Variants in ATP1A4 observed in about 807,000 individuals in gnomAD.
The protein encoded by ATP1A4 is ATPase Na+/K+ transporting subunit alpha 4, also known as sodium/potassium-transporting ATPase subunit alpha-4.
In ATP1A4, 90 loss-of-function variants were observed where a neutral mutation model predicts 114.3. The observed-to-expected ratio is 0.79, with a 90% CI of 0.66 to 0.94. The LOEUF is 0.94. Ranked by LOEUF, ATP1A4 falls within the 40% of genes least tolerant of loss-of-function variation. ATP1A4 has a pLI of 0.00. For synonymous variants in ATP1A4, 511 were observed against 494.1 expected (o/e 1.03, Z -0.45); for missense variants, 1,222 against 1,313.6 (o/e 0.93, Z 1.08).
intron 18 of ATP1A4, among the ~76,000 whole-genome samples, chr1:160,180,052 A>G (rs1268028755): frequency 1.3e-5 from 2 of 152,216 alleles, no homozygotes; most frequent in Admixed American, 6.5e-5. Flanking sequence ...GAACTGTGAG[A>G]CCACGGCATT....
chr1:160,178,597 C>A (rs1008534913), intron 18 of ATP1A4, among the ~76,000 whole-genome samples: 6 of 152,086 alleles, frequency 3.9e-5, no homozygotes, highest in African/African-American at 1.4e-4. Context: ...ATCACTTGAT[C>A]CCAGGAGGCG....
intron 3 of ATP1A4, 106 bp downstream of exon 3, chr1:160,155,354 A>C (rs958723687): frequency 3.2e-6 from 2 of 626,136 alleles, no homozygotes; most frequent in African/African-American, 1.8e-5. Context: ...CAAATCCCTA[A>C]TTACATTATT....
In ATP1A4 at chr1:160,174,244, G is replaced by A. The variant is rs778010517; in HGVS notation, c.2125G>A (p.Glu709Lys). The stretch of plus-strand genomic sequence containing the variant: ...CCCTCAGCAGAAGCTCATCATTGTC[G>A]AGGGATGTCAGAGGCTGGTAAGGAA... ...TSPQQKLIIVEGCQRLGAVVA... is the reference protein window; with the variant it reads ...TSPQQKLIIVKGCQRLGAVVA... The change falls in exon 14 of 22, where the codon GAG (glutamate) becomes AAG (lysine). Residue 709 changes from glutamate (E) to lysine (K), a missense_variant. By Grantham distance (56) the Glu-to-Lys change is moderately conservative. Transcript: ENST00000368081. 30 of 1,614,080 alleles carry A rather than the reference G, an allele frequency of 1.9e-5. No individual in the cohort carries two copies. Among genetic ancestry groups the A allele is most frequent in the Admixed American group, 1.8e-4 (11 of 60,008 alleles).
At chr1:160,172,192 C>T (rs906598861) in intron 12 of ATP1A4, among the ~76,000 whole-genome samples, 2 of 152,162 alleles carry the variant, frequency 1.3e-5, no homozygotes, top group African/African-American at 2.4e-5. Context: ...ACCTGAGAGA[C>T]TGCATTTTTA....
At position 160,181,765 on chromosome 1, in the gene ATP1A4, CTCA is replaced by C; in HGVS notation, c.2824_2826del (p.Ile942del). 1 of 1,613,952 alleles carries C rather than the reference CTCA, an allele frequency of 6.2e-7. No homozygotes were observed. Among genetic ancestry groups the C allele is most frequent in the Non-Finnish European group, 8.5e-7 (1 of 1,179,992 alleles). On this transcript the variant is annotated inframe_deletion, in exon 19 of 22. Coordinates refer to ENST00000368081, the MANE Select transcript of ATP1A4 (RefSeq NM_144699.4). ...CATCGTGGTTGTGCAGTGGGCGGAT[CTCA>C]TCATCTCCAAGACTCGCCGCAACTC...
chr1:160,166,825 T>C, intron 8 of ATP1A4, 99 bp downstream of exon 8: 1 of 1,548,790 alleles, frequency 6.5e-7, no homozygotes, highest in Non-Finnish European at 8.8e-7. Context: ...GGAGGGAGCC[T>C]GAAAGTGGAG....
intron 10 of ATP1A4, among the ~76,000 whole-genome samples, chr1:160,168,735 G>A (rs915299837): frequency 6.6e-6 from 1 of 152,124 alleles, no homozygotes; most frequent in African/African-American, 2.4e-5. Context: ...ACTGAAAACT[G>A]AGCAAGTAAG....
In ATP1A4 at chr1:160,186,363, G is replaced by T; in HGVS notation, c.3057G>T (p.Pro1019=). Residue 1019 remains proline (P), a synonymous_variant, in exon 21 of 22, where the codon CCG becomes CCT. Coordinates refer to ENST00000368081, the MANE Select transcript of ATP1A4 (RefSeq NM_144699.4). ...GAAAACTCCTCATCCGTCAGCACCC[G>T]GATGGTGAGGCTCCCCTGGGCCCCG... The part of the protein sequence containing the change: ...EIRKLLIRQH[P]DGWVERETYY 6.2e-7 allele frequency: 1 copy of T among 1,611,654 alleles called. No individual in the cohort carries two copies. Among genetic ancestry groups the T allele is most frequent in the South Asian group, 1.1e-5 (1 of 90,942 alleles).
chr1:160,158,093 G>A (rs920485101), intron 4 of ATP1A4, among the ~76,000 whole-genome samples: 6 of 151,796 alleles, frequency 4.0e-5, no homozygotes, highest in African/African-American at 1.2e-4. Flanking sequence ...GTTTAGGCAT[G>A]GTCGGTTAGC....
chr1:160,184,722 C>T (rs1231039678), intron 20 of ATP1A4, among the ~76,000 whole-genome samples: 1 of 152,096 alleles, frequency 6.6e-6, no homozygotes, highest in Non-Finnish European at 1.5e-5. Context: ...TTAAATTTTA[C>T]ATGTGGCTCA....
At chr1:160,186,077 ACT>A (rs1653877267) in intron 20 of ATP1A4, among the ~76,000 whole-genome samples, 197 bp from the exon 21 acceptor site, 1 of 138,514 alleles carries the variant, frequency 7.2e-6, no homozygotes, top group Admixed American at 7.3e-5. Flanking sequence ...ACAGAACAAG[ACT>A]CTGTCGCAAA....
Position 160,181,935 on chromosome 1 carries a change from A to G in ATP1A4, c.2873A>G (p.Lys958Arg), listed in dbSNP as rs900928647. 3 of 1,613,868 alleles carry G rather than the reference A, an allele frequency of 1.9e-6. No individual in the cohort carries two copies. Among genetic ancestry groups the G allele is most frequent in the African/African-American group, 2.7e-5 (2 of 74,872 alleles). ...CCATGAATGTTTCTTCCCAGAAACA[A>G]AGTCTTAATATTTGGGATCCTGGAG... ...NSLFQQGMRN[K>R]VLIFGILEET... The change falls in exon 20 of 22, where the codon AAA becomes AGA. Residue 958 changes from lysine to arginine, a missense_variant. Transcript: ENST00000368081.
At chr1:160,181,650 C>T in intron 18 of ATP1A4, 34 bp from the exon 19 acceptor site, 1 of 1,612,300 alleles carries the variant, frequency 6.2e-7, no homozygotes, top group South Asian at 1.1e-5. Context: ...GAATCCCCTT[C>T]TGACACTGTT....
chr1:160,163,595 G>A (rs1652932362), intron 6 of ATP1A4, among the ~76,000 whole-genome samples: 1 of 152,206 alleles, frequency 6.6e-6, no homozygotes, highest in Non-Finnish European at 1.5e-5. Context: ...GCATGGAGGA[G>A]CGTCTGTGCC....
Position 160,186,873 on chromosome 1 carries a change from T to C in ATP1A4, c.*174T>C, listed in dbSNP as rs557986797. The C allele has an allele frequency of 2.4e-4, 178 of 756,310 alleles. 1 individual carries two copies. The Admixed American group carries it at 3.8e-3, about 16-fold the overall frequency. The allele number at this position is 756,310 out of a possible 1,614,324, so 46.8% of individuals were successfully genotyped here. ...ATCATGGGCAGAGGATGAGGTGGGC[T>C]GAAGGGAAGCCCAGCCTGCATCTAG... On this transcript the variant is annotated 3_prime_UTR_variant, in exon 22 of 22. Coordinates refer to ENST00000368081, the MANE Select transcript of ATP1A4 (RefSeq NM_144699.4).
At chr1:160,181,555 C>CAAAAAAAA (rs36029758) in intron 18 of ATP1A4, 129 bp from the exon 19 acceptor site, 1 of 758,906 alleles carries the variant, frequency 1.3e-6, no homozygotes, top group Non-Finnish European at 1.9e-6. Context: ...GACTTAGTCT[C>CAAAAAAAA]AAAAAAAAAA....
chr1:160,155,036 T>C lies in ATP1A4; in HGVS notation c.208-9T>C, dbSNP rs758882521. The C allele has an allele frequency of 5.6e-6, 9 of 1,612,702 alleles. No individual in the cohort carries two copies. In the East Asian group the frequency reaches 2.0e-4, roughly 36 times the overall value. On this transcript the variant is annotated splice_polypyrimidine_tract_variant and intron_variant, in intron 2 of 21. Transcript: ENST00000368081. ...GCTCTCTATCCAACCCTATTTCTTC[T>C]CTGCACAGGGCCATAGCCACCAAAG...
chr1:160,158,852 C>T, intron 4 of ATP1A4, 150 bp from the exon 5 acceptor site: 1 of 812,834 alleles, frequency 1.2e-6, no homozygotes, highest in Non-Finnish European at 1.9e-6. Context: ...AATTTGCAAT[C>T]TGCCAAAGAC....
chr1:160,158,992 C>T lies in ATP1A4; in HGVS notation c.526-10C>T, dbSNP rs756790607. The T allele has an allele frequency of 6.2e-7, 1 of 1,612,922 alleles. No homozygotes were observed. Among genetic ancestry groups the T allele is most frequent in the Non-Finnish European group, 8.5e-7 (1 of 1,179,320 alleles). Reference sequence around the variant, plus strand: ...AGTTTTGGAAATGATCCTGCACTATCCTCTCATAGCAAGCTCTGGTAATTC... The same window carrying T: ...AGTTTTGGAAATGATCCTGCACTATTCTCTCATAGCAAGCTCTGGTAATTC... On this transcript the variant is annotated splice_polypyrimidine_tract_variant and intron_variant, in intron 4 of 21. Transcript: ENST00000368081.
Sources: gnomAD v4.1 joint callset for allele counts (sites outside exome capture counted in the v4.1 genomes callset) on GRCh38, gnomAD v4.1.1 for gene constraint, MANE v1.5 for transcripts, NCBI Gene and HGNC (gene_info 2026-07-23, HGNC 2026-07-21) for gene names.